ADGRG6: variants seen among roughly 807,000 people sequenced by gnomAD.
ADGRG6 encodes G-protein coupled receptor 126.
A neutral mutation model predicts 142.4 loss-of-function variants in ADGRG6; 84 were observed. That is an observed-to-expected ratio of 0.59 (90% CI 0.49 to 0.71). The LOEUF is 0.71. Among genes scored for constraint, ADGRG6 ranks in the 30% least tolerant of loss-of-function variants. The probability of loss-of-function intolerance (pLI) is 0.00; values close to 1 mark genes in which losing one functional copy is unlikely to be tolerated. For synonymous variants in ADGRG6, 521 were observed against 520.5 expected (o/e 1.00, Z -0.01); for missense variants, 1,367 against 1,466.6 (o/e 0.93, Z 1.11).
chr6:142,337,439 C>G (rs931173182), intron 2 of ADGRG6, among the ~76,000 whole-genome samples: 1 of 152,090 alleles, frequency 6.6e-6, no homozygotes, highest in East Asian at 1.9e-4. Context: ...GCTATGAAAC[C>G]AAAACAAACC....
At chr6:142,319,737 G>T (rs1204418061) in intron 2 of ADGRG6, among the ~76,000 whole-genome samples, 1 of 152,022 alleles carries the variant, frequency 6.6e-6, no homozygotes, top group Non-Finnish European at 1.5e-5. Flanking sequence ...GAAACAGAGA[G>T]AAAGACATCT....
At chr6:142,371,642 T>C (rs138200498) in intron 4 of ADGRG6, among the ~76,000 whole-genome samples, 3,777 of 152,044 alleles carry the variant, frequency 0.025, 186 homozygotes, top group African/African-American at 0.086. Context: ...CCCACCACCA[T>C]GCCCGGCTAA....
In ADGRG6 at chr6:142,419,868, A is replaced by G. The variant is rs1321250958; in HGVS notation, c.3083A>G (p.Tyr1028Cys). The G allele has an allele frequency of 6.2e-7, 1 of 1,612,058 alleles. No individual in the cohort carries two copies. The highest frequency in any genetic ancestry group is 8.5e-7 in the Non-Finnish European group (1 of 1,178,482). The part of the protein sequence containing the change: ...PVIFYVTCAG[Y>C]FGVMFFLNIA... Reference sequence around the variant, plus strand: ...ATATTTTATGTGACCTGTGCTGGGTATTTTGGAGTCATGTTTTTTCTGAAC... The same window carrying G: ...ATATTTTATGTGACCTGTGCTGGGTGTTTTGGAGTCATGTTTTTTCTGAAC... Residue 1028 changes from tyrosine to cysteine, a missense_variant, in exon 22 of 25, where the codon TAT becomes TGT. By Grantham distance (194) the Tyr-to-Cys change is radical (BLOSUM62 -2). Transcript: ENST00000367609.
intron 2 of ADGRG6, among the ~76,000 whole-genome samples, chr6:142,321,184 T>G (rs1221182733): frequency 1.3e-5 from 2 of 151,884 alleles, no homozygotes; most frequent in Non-Finnish European, 2.9e-5. Flanking sequence ...AACAATAGTC[T>G]GAATTAAATT....
chr6:142,435,478 T>G (rs1223621058), intron 22 of ADGRG6, among the ~76,000 whole-genome samples: 1 of 152,198 alleles, frequency 6.6e-6, no homozygotes, highest in Non-Finnish European at 1.5e-5. Flanking sequence ...CTATTACCTC[T>G]TAATTTGACC....
At position 142,334,380 on chromosome 6, in the gene ADGRG6, T is replaced by C. The variant is rs184208199; in HGVS notation, c.103+24736T>C. ...TAGGGAATCCAGGCTATCTATACCATCCTATGCCCCCTAAAACCATGAAGT... is the reference window on the plus strand; with the variant it reads ...TAGGGAATCCAGGCTATCTATACCACCCTATGCCCCCTAAAACCATGAAGT... On this transcript the variant is annotated intron_variant, in intron 2 of 24. Coordinates refer to ENST00000367609, the MANE Select transcript of ADGRG6 (RefSeq NM_198569.3). Among the ~76,000 whole-genome samples the C allele has an allele frequency of 1.4e-4, 21 of 152,250 alleles. No homozygotes were observed. The South Asian group carries it at 1.9e-3, about 14-fold the overall frequency.
At chr6:142,393,252 A>C (rs1455689714) in intron 8 of ADGRG6, among the ~76,000 whole-genome samples, 2 of 148,032 alleles carry the variant, frequency 1.4e-5, no homozygotes, top group Non-Finnish European at 1.5e-5. Context: ...AATGTGTCAA[A>C]AATTAAAATC....
At position 142,414,932 on chromosome 6, in the gene ADGRG6, G is replaced by A. The variant is rs375655154; in HGVS notation, c.2542-37G>A. 1,713 of 1,580,032 alleles carry A rather than the reference G, an allele frequency of 1.1e-3. 1 individual carries two copies. The highest frequency in any genetic ancestry group is 1.4e-3 in the Non-Finnish European group (1,639 of 1,163,080). On this transcript the variant is annotated intron_variant, in intron 18 of 24. Coordinates refer to ENST00000367609, the MANE Select transcript of ADGRG6 (RefSeq NM_198569.3). The stretch of plus-strand genomic sequence containing the variant: ...AAACAGAGAACCATTCTCATGAGAA[G>A]AGAGTTTCTTACAGCTGCTCGCCAT...
At chr6:142,428,168 A>G (rs1777042234) in intron 22 of ADGRG6, among the ~76,000 whole-genome samples, 1 of 152,172 alleles carries the variant, frequency 6.6e-6, no homozygotes, top group African/African-American at 2.4e-5. Flanking sequence ...GTGTAATTAT[A>G]TGGGTACTCA....
chr6:142,339,966 G>A (rs771933354), intron 2 of ADGRG6, among the ~76,000 whole-genome samples: 27 of 152,014 alleles, frequency 1.8e-4, no homozygotes, highest in African/African-American at 2.7e-4. Flanking sequence ...AAATTTTGGC[G>A]GCTGATAAAC....
chr6:142,392,909 G>T (rs774905745), intron 7 of ADGRG6, 39 bp from the exon 8 acceptor site: 9 of 1,382,292 alleles, frequency 6.5e-6, no homozygotes, highest in Non-Finnish European at 9.2e-6. Context: ...TTTTTTAAAG[G>T]TATTAGCAAA....
intron 22 of ADGRG6, among the ~76,000 whole-genome samples, chr6:142,437,128 C>T (rs1246023310): frequency 1.3e-5 from 2 of 152,144 alleles, no homozygotes; most frequent in Non-Finnish European, 1.5e-5. Flanking sequence ...ATACTAAATA[C>T]TTCTAGAATT....
In ADGRG6 at chr6:142,428,227, TA is replaced by T. The variant is rs1276925383; in HGVS notation, c.3319+8124del. ...TAAAATTTTATATATGCTTTATTTT[TA>T]TTTTTTATTTGTATGTTTTATATTT... On this transcript the variant is annotated intron_variant, in intron 22 of 24. Transcript: ENST00000367609. Among the ~76,000 whole-genome samples the T allele has an allele frequency of 5.3e-5, 8 of 152,262 alleles. No homozygotes were observed. The East Asian group carries it at 1.5e-3, about 29-fold the overall frequency.
At chr6:142,394,069 C>A (rs1257306447) in intron 9 of ADGRG6, 111 bp downstream of exon 9, 2 of 707,052 alleles carry the variant, frequency 2.8e-6, no homozygotes, top group Non-Finnish European at 4.9e-6. Flanking sequence ...AATCACATAG[C>A]ACAGTTATTT....
intron 2 of ADGRG6, among the ~76,000 whole-genome samples, chr6:142,309,918 G>A (rs1031854684): frequency 3.3e-5 from 5 of 151,722 alleles, no homozygotes; most frequent in South Asian, 2.1e-4. Context: ...CCCATATTGA[G>A]TGATGAGATA....
In ADGRG6 at chr6:142,328,725, C is replaced by T. The variant is rs115652210; in HGVS notation, c.103+19081C>T. Reference sequence around the variant, plus strand: ...CAGGGAATGCCATAGAAATGCAAATCCTTGGGCGTCATTACAGACCTACTG... The same window carrying T: ...CAGGGAATGCCATAGAAATGCAAATTCTTGGGCGTCATTACAGACCTACTG... On this transcript the variant is annotated intron_variant, in intron 2 of 24. Coordinates refer to ENST00000367609, the MANE Select transcript of ADGRG6 (RefSeq NM_198569.3). 4.8e-3 allele frequency among the ~76,000 whole-genome samples: 735 copies of T among 152,238 alleles called. 9 individuals are homozygous for T. Among genetic ancestry groups the T allele is most frequent in the African/African-American group, 0.017 (697 of 41,532 alleles).
intron 2 of ADGRG6, among the ~76,000 whole-genome samples, chr6:142,365,911 C>G (rs1024581147): frequency 5.5e-4 from 84 of 152,124 alleles, no homozygotes; most frequent in African/African-American, 1.8e-3. Flanking sequence ...GCATTCTAGT[C>G]AACTCAGTAA....
At chr6:142,400,383 C>T (rs1019032257) in intron 10 of ADGRG6, 102 bp from the exon 11 acceptor site, 4 of 622,310 alleles carry the variant, frequency 6.4e-6, no homozygotes, top group African/African-American at 1.8e-5. Context: ...TAAAGAAATA[C>T]CTAATTACCA....
At chr6:142,336,701 AAC>A (rs1326776951) in intron 2 of ADGRG6, among the ~76,000 whole-genome samples, 1 of 152,234 alleles carries the variant, frequency 6.6e-6, no homozygotes, top group Non-Finnish European at 1.5e-5. Context: ...GTACATAGAT[AAC>A]ACACACATGC....
Sources: gnomAD v4.1 joint callset for allele counts (sites outside exome capture counted in the v4.1 genomes callset) on GRCh38, gnomAD v4.1.1 for gene constraint, MANE v1.5 for transcripts, NCBI Gene and HGNC (gene_info 2026-07-23, HGNC 2026-07-21) for gene names.